The following PLXDC2 variants were observed in gnomAD, a reference collection of about 807,000 sequenced individuals.
PLXDC2 encodes the protein plexin domain containing 2.
A neutral mutation model predicts 68.9 loss-of-function variants in PLXDC2; 40 were observed. The observed-to-expected ratio is 0.58, with a 90% confidence interval of 0.45 to 0.76. The LOEUF (loss-of-function observed/expected upper bound fraction) is 0.76. Ranked by LOEUF, PLXDC2 falls within the 30% of genes least tolerant of loss-of-function variation. The pLI, the probability that PLXDC2 is intolerant of heterozygous loss-of-function variation, is 0.00. For missense variants in PLXDC2, 644 were observed against 661.9 expected (o/e 0.97, Z 0.30); for synonymous variants, 243 against 234.2 (o/e 1.04, Z -0.34).
chr10:20,267,734 A>C (rs1835888755), intron 13 of PLXDC2, among the ~76,000 whole-genome samples: 1 of 151,888 alleles, frequency 6.6e-6, no homozygotes, highest in African/African-American at 2.4e-5. Context: ...ATATTATCAA[A>C]CCCCTGAGTA....
chr10:19,914,890 G>T (rs1383853924), intron 1 of PLXDC2, among the ~76,000 whole-genome samples: 1 of 152,122 alleles, frequency 6.6e-6, no homozygotes, highest in Non-Finnish European at 1.5e-5. Flanking sequence ...TCATTGGTCT[G>T]AAGTCTACTT....
intron 4 of PLXDC2, among the ~76,000 whole-genome samples, chr10:20,072,481 C>G (rs1430379703): frequency 6.9e-5 from 5 of 72,602 alleles, no homozygotes; most frequent in Admixed American, 1.6e-4. Flanking sequence ...AAAGAAGGAA[C>G]AAAGAAAGAA....
At chr10:19,871,442 T>A (rs1447770944) in intron 1 of PLXDC2, among the ~76,000 whole-genome samples, 4 of 152,188 alleles carry the variant, frequency 2.6e-5, no homozygotes, top group Non-Finnish European at 4.4e-5. Flanking sequence ...TAAGGTTTCC[T>A]TTTTTAAATT....
intron 1 of PLXDC2, among the ~76,000 whole-genome samples, chr10:19,939,588 A>G (rs1833782683): frequency 6.6e-6 from 1 of 152,202 alleles, no homozygotes; most frequent in African/African-American, 2.4e-5. Context: ...AAGATTTTGT[A>G]ACTGAAAGCT....
At chr10:19,891,423 A>G (rs911287795) in intron 1 of PLXDC2, among the ~76,000 whole-genome samples, 5 of 151,936 alleles carry the variant, frequency 3.3e-5, no homozygotes, top group African/African-American at 4.8e-5. Context: ...TTCTTCCACA[A>G]TCTTCCGTAA....
In PLXDC2 at chr10:20,270,039, A is replaced by C. The variant is rs537568206; in HGVS notation, c.1474-9664A>C. On this transcript the variant is annotated intron_variant, in intron 13 of 13. Coordinates refer to ENST00000377252, the MANE Select transcript of PLXDC2 (RefSeq NM_032812.9). Reference sequence around the variant, plus strand: ...TCAAAAAATAAAATAAAATAAAATAAAATAAAATAAAATAAAAAAGAAGTG... The same window carrying C: ...TCAAAAAATAAAATAAAATAAAATACAATAAAATAAAATAAAAAAGAAGTG... Among the ~76,000 whole-genome samples the C allele has an allele frequency of 9.5e-4, 139 of 146,560 alleles. 1 individual carries two copies. The highest frequency in any genetic ancestry group is 2.7e-3 in the African/African-American group (108 of 39,770).
rs113045949 is a variant in PLXDC2, at chr10:19,910,963, C to G, written c.113-90812C>G. Reference sequence around the variant, plus strand: ...GGCAAAGGTTGCAGTGAGCTGAGATCATGCCACTGCACTCCAGCTGAGGGG... The same window carrying G: ...GGCAAAGGTTGCAGTGAGCTGAGATGATGCCACTGCACTCCAGCTGAGGGG... On this transcript the variant is annotated intron_variant, in intron 1 of 13. Transcript: ENST00000377252. Among the ~76,000 whole-genome samples the G allele has an allele frequency of 5.1e-3, 770 of 152,154 alleles. 3 individuals are homozygous for G. Among genetic ancestry groups the G allele is most frequent in the African/African-American group, 0.018 (728 of 41,518 alleles).
rs757897601 is a variant in PLXDC2 at position 19,823,778 on chromosome 10, C to T, written c.112+6587C>T. On this transcript the variant is annotated intron_variant, in intron 1 of 13. Coordinates refer to ENST00000377252, the MANE Select transcript of PLXDC2 (RefSeq NM_032812.9). The stretch of plus-strand genomic sequence containing the variant: ...GAGACAGGGGGATTGCTTGAGTCCA[C>T]GATTTGGAGACCAGCCTGGGCAACA... Among the ~76,000 whole-genome samples, 28 of 152,166 alleles carry T rather than the reference C, an allele frequency of 1.8e-4. 1 individual carries two copies. Among genetic ancestry groups the T allele is most frequent in the African/African-American group, 5.5e-4 (23 of 41,546 alleles).
intron 4 of PLXDC2, among the ~76,000 whole-genome samples, chr10:20,137,148 A>G (rs75464951): frequency 1.2e-4 from 18 of 152,352 alleles, no homozygotes; most frequent in Non-Finnish European, 2.4e-4. Context: ...AAGTTATATA[A>G]ATCTCCTAGC....
At chr10:19,823,258 A>ATGG (rs1836507443) in intron 1 of PLXDC2, among the ~76,000 whole-genome samples, 1 of 152,178 alleles carries the variant, frequency 6.6e-6, no homozygotes, top group Non-Finnish European at 1.5e-5. Flanking sequence ...GCATACATAT[A>ATGG]TGGTGGTGGT....
At chr10:19,914,262 T>C (rs1428249332) in intron 1 of PLXDC2, among the ~76,000 whole-genome samples, 1 of 152,104 alleles carries the variant, frequency 6.6e-6, no homozygotes, top group East Asian at 1.9e-4. Flanking sequence ...GTCTTATTAA[T>C]CTCTGTCATT....
chr10:19,998,980 G>T (rs988184722), intron 1 of PLXDC2, among the ~76,000 whole-genome samples: 3 of 152,172 alleles, frequency 2.0e-5, no homozygotes, highest in Non-Finnish European at 4.4e-5. Context: ...ACATTCATCA[G>T]ACTTCTCAAA....
chr10:19,938,513 C>T (rs567819344), intron 1 of PLXDC2, among the ~76,000 whole-genome samples: 2 of 152,018 alleles, frequency 1.3e-5, no homozygotes, highest in African/African-American at 2.4e-5. Flanking sequence ...GAGAGTTTGG[C>T]GGGGGGCTAT....
Position 20,029,765 on chromosome 10 carries a change from T to C in PLXDC2, c.325-17104T>C, listed in dbSNP as rs558776445. On this transcript the variant is annotated intron_variant, in intron 2 of 13. Coordinates refer to ENST00000377252, the MANE Select transcript of PLXDC2 (RefSeq NM_032812.9). ...CGAAAATATTTGTCTGAAAATATCA[T>C]TGGTAATTTTAAAACAAAACTGCTC... Among the ~76,000 whole-genome samples the C allele has an allele frequency of 5.9e-5, 9 of 152,288 alleles. No individual in the cohort carries two copies. The South Asian group carries it at 6.2e-4, about 11-fold the overall frequency.
chr10:19,987,265 C>G (rs1388928247), intron 1 of PLXDC2, among the ~76,000 whole-genome samples: 1 of 152,126 alleles, frequency 6.6e-6, no homozygotes, highest in Admixed American at 6.5e-5. Flanking sequence ...CTGCTTTAAC[C>G]AACTACCAAA....
chr10:19,990,354 A>C (rs1834727395), intron 1 of PLXDC2, among the ~76,000 whole-genome samples: 1 of 152,232 alleles, frequency 6.6e-6, no homozygotes, highest in Non-Finnish European at 1.5e-5. Context: ...CTTACACTAA[A>C]GTAGGCCACA....
At chr10:19,897,229 T>C (rs982681968) in intron 1 of PLXDC2, among the ~76,000 whole-genome samples, 3 of 140,212 alleles carry the variant, frequency 2.1e-5, no homozygotes, top group African/African-American at 5.3e-5. Flanking sequence ...TCCCTTCTCT[T>C]TTTTTTTTTG....
intron 1 of PLXDC2, among the ~76,000 whole-genome samples, chr10:19,820,318 A>G (rs1473684934): frequency 6.6e-6 from 1 of 152,194 alleles, no homozygotes; most frequent in Non-Finnish European, 1.5e-5. Flanking sequence ...TAAGCATCAG[A>G]TACTCACAGA....
intron 9 of PLXDC2, among the ~76,000 whole-genome samples, chr10:20,192,340 C>A (rs1479976472): frequency 6.6e-6 from 1 of 151,962 alleles, no homozygotes; most frequent in African/African-American, 2.4e-5. Flanking sequence ...TGTGTACTAA[C>A]CTCCGTTCAA....
Sources: allele counts gnomAD v4.1 joint callset (sites outside exome capture counted in the v4.1 genomes callset), GRCh38; gene constraint gnomAD v4.1.1; transcripts MANE v1.5; gene names NCBI Gene and HGNC (gene_info 2026-07-23, HGNC 2026-07-21).